The following EBF2 variants were observed in gnomAD, a reference collection of about 807,000 sequenced individuals.
EBF2 encodes EBF transcription factor 2.
In EBF2, 21 loss-of-function variants were observed where a neutral mutation model predicts 72.8. The ratio of observed to expected loss-of-function variants is 0.29; its 90% confidence interval spans 0.20 to 0.42. EBF2 has a LOEUF of 0.42. Among genes scored for constraint, EBF2 ranks in the 10% least tolerant of loss-of-function variants. The pLI, the probability that EBF2 is intolerant of heterozygous loss-of-function variation, is 1.00. For synonymous variants in EBF2, 299 were observed against 274.2 expected (o/e 1.09, Z -0.89); for missense variants, 637 against 731.2 (o/e 0.87, Z 1.49).
chr8:25,917,546 A>G (rs1803240024), intron 6 of EBF2, among the ~76,000 whole-genome samples: 1 of 152,180 alleles, frequency 6.6e-6, no homozygotes, highest in Non-Finnish European at 1.5e-5. Flanking sequence ...CTTCTCATCC[A>G]GAAAAGAAAA....
intron 6 of EBF2, among the ~76,000 whole-genome samples, chr8:25,991,481 C>A (rs1047920739): frequency 6.6e-6 from 1 of 152,192 alleles, no homozygotes; most frequent in Admixed American, 6.5e-5. Context: ...GAAATTATCA[C>A]CTCCATTTTA....
chr8:26,016,343 T>G (rs1326373610), intron 6 of EBF2, among the ~76,000 whole-genome samples: 1 of 152,220 alleles, frequency 6.6e-6, no homozygotes, highest in Non-Finnish European at 1.5e-5. Flanking sequence ...AGTTAATTCT[T>G]CTAACTCAGA....
At chr8:25,876,193 A>T (rs1197149927) in intron 10 of EBF2, among the ~76,000 whole-genome samples, 1 of 152,194 alleles carries the variant, frequency 6.6e-6, no homozygotes, top group East Asian at 1.9e-4. Flanking sequence ...GTTCTCACTC[A>T]TAAGTGGGAG....
In EBF2 at chr8:25,956,405, CA is replaced by C. The variant is rs1228684813; in HGVS notation, c.552-47851del. ...GGGCAACAAGAGCGAAACTCCTTCT[CA>C]AAAAAAAAAAAAATTATTATTATTA... On this transcript the variant is annotated intron_variant, in intron 6 of 15. Coordinates refer to ENST00000520164, the MANE Select transcript of EBF2 (RefSeq NM_022659.4). Among the ~76,000 whole-genome samples the C allele has an allele frequency of 4.6e-3, 613 of 132,424 alleles. 1 individual carries two copies. Among genetic ancestry groups the C allele is most frequent in the African/African-American group, 0.013 (470 of 36,070 alleles). The allele number at this position is 132,424 out of a possible 152,430, so 86.9% of individuals were successfully genotyped here.
chr8:25,850,453 A>AG (rs1414103235), intron 15 of EBF2, 141 bp downstream of exon 15: 2 of 1,056,638 alleles, frequency 1.9e-6, no homozygotes, highest in African/African-American at 3.3e-5. Flanking sequence ...TAGCTGTAGA[A>AG]GCCATTCATG....
At chr8:25,967,648 G>T (rs2077863919) in intron 6 of EBF2, among the ~76,000 whole-genome samples, 1 of 152,170 alleles carries the variant, frequency 6.6e-6, no homozygotes. Context: ...CAAATCAAAA[G>T]ATCATAAATC....
intron 6 of EBF2, among the ~76,000 whole-genome samples, chr8:26,003,520 G>C (rs1804777188): frequency 6.6e-6 from 1 of 152,158 alleles, no homozygotes; most frequent in South Asian, 2.1e-4. Flanking sequence ...TCCGGCTTCA[G>C]GACAATGGAG....
At chr8:25,954,716 C>G (rs1585206977) in intron 6 of EBF2, among the ~76,000 whole-genome samples, 1 of 152,136 alleles carries the variant, frequency 6.6e-6, no homozygotes, top group Non-Finnish European at 1.5e-5. Context: ...CCCCAGGGAG[C>G]CTTCAGAACT....
chr8:25,988,012 AGCTTAGT>A (rs1232737931), intron 6 of EBF2, among the ~76,000 whole-genome samples: 7 of 152,228 alleles, frequency 4.6e-5, no homozygotes. Flanking sequence ...TTCCAAGGAC[AGCTTAGT>A]GGTGTCCAGG....
intron 4 of EBF2, 63 bp from the exon 5 acceptor site, chr8:26,040,164 G>C (rs1805574613): frequency 1.3e-6 from 2 of 1,543,302 alleles, no homozygotes; most frequent in Non-Finnish European, 1.8e-6. Context: ...AGGAAAGAAG[G>C]GACTTCAGAA....
intron 10 of EBF2, among the ~76,000 whole-genome samples, chr8:25,874,853 CTTTTTTT>C (rs1183233269): frequency 3.0e-5 from 3 of 99,558 alleles, no homozygotes; most frequent in African/African-American, 4.7e-5. Flanking sequence ...GCCTGGCTAA[CTTTTTTT>C]TTTTTTTTTT....
intron 6 of EBF2, among the ~76,000 whole-genome samples, chr8:26,008,515 G>A (rs1804920849): frequency 6.6e-6 from 1 of 152,036 alleles, no homozygotes; most frequent in Non-Finnish European, 1.5e-5. Context: ...ACTCCAAGAT[G>A]TATTCAGCCC....
At chr8:25,860,413 A>C (rs1802191547) in intron 13 of EBF2, among the ~76,000 whole-genome samples, 3 of 152,132 alleles carry the variant, frequency 2.0e-5, no homozygotes. Context: ...CAGAAGCATA[A>C]ATTTCTTTTA....
intron 6 of EBF2, among the ~76,000 whole-genome samples, chr8:25,949,462 G>A (rs1803822787): frequency 6.6e-6 from 1 of 152,016 alleles, no homozygotes; most frequent in South Asian, 2.1e-4. Context: ...ACTACTAATT[G>A]GGCTAGATAA....
intron 7 of EBF2, among the ~76,000 whole-genome samples, chr8:25,891,249 T>C (rs1156731723): frequency 6.6e-6 from 1 of 152,140 alleles, no homozygotes; most frequent in Non-Finnish European, 1.5e-5. Flanking sequence ...CAGCAAAGGC[T>C]GGCCAAGCAT....
chr8:25,889,286 T>C (rs768813937), intron 8 of EBF2, among the ~76,000 whole-genome samples: 14 of 152,254 alleles, frequency 9.2e-5, no homozygotes, highest in Non-Finnish European at 1.9e-4. Context: ...CTAATTACTT[T>C]AATGCACTTG....
chr8:25,949,276 G>A (rs1803819064), intron 6 of EBF2, among the ~76,000 whole-genome samples: 2 of 152,170 alleles, frequency 1.3e-5, no homozygotes, highest in South Asian at 4.1e-4. Context: ...TCTGCCTTCA[G>A]CACGTTCTGT....
Position 26,044,772 on chromosome 8 carries a change from C to G in EBF2, c.88G>C (p.Val30Leu). ...GAEMDSVRSW[V>L]RNVGVVDANV... is the part of the protein sequence containing the mutation. ...GCGTCCACCACTCCGACATTCCGGACCCAGGACCTGACCGAATCCATCTCC... is the reference window on the plus strand; with the variant it reads ...GCGTCCACCACTCCGACATTCCGGAGCCAGGACCTGACCGAATCCATCTCC... Residue 30 changes from valine (V) to leucine (L), a missense_variant, in exon 1 of 16, where the codon GTC (valine) becomes CTC (leucine). Around this residue, in one of 3 missense-constraint regions of EBF2, gnomAD observed 174 missense variants for 161.9 expected, o/e 1.07. Coordinates refer to ENST00000520164, the MANE Select transcript of EBF2 (RefSeq NM_022659.4). This position sits in a 1 kb window ranked among gnomAD's most constrained non-coding sequence, Gnocchi z 4.1. 6.2e-7 allele frequency: 1 copy of G among 1,614,184 alleles called. No homozygotes were observed. Among genetic ancestry groups the G allele is most frequent in the Non-Finnish European group, 8.5e-7 (1 of 1,180,028 alleles).
chr8:25,870,949 C>T lies in EBF2; in HGVS notation c.1010-8152G>A, dbSNP rs150330646. Among the ~76,000 whole-genome samples the T allele has an allele frequency of 1.4e-3, 213 of 152,098 alleles. 2 individuals carry two copies. The highest frequency in any genetic ancestry group is 0.013 in the East Asian group (66 of 5,176). On this transcript the variant is annotated intron_variant, in intron 10 of 15. Transcript: ENST00000520164. ...GAAAATCACACTCACACATACACAC[C>T]GACAGAATTTCATTTAATCAAGTGC... is the stretch of plus-strand genomic sequence containing the variant.
Sources: allele counts gnomAD v4.1 joint callset (sites outside exome capture counted in the v4.1 genomes callset), GRCh38; gene constraint gnomAD v4.1.1; regional missense constraint gnomAD v4.1.1; non-coding constraint Gnocchi (gnomAD v3.1); transcripts MANE v1.5; gene names NCBI Gene and HGNC (gene_info 2026-07-23, HGNC 2026-07-21).